The following IGF2BP3 variants were observed in gnomAD, a reference collection of about 807,000 sequenced individuals.
IGF2BP3 encodes the protein insulin like growth factor 2 mRNA binding protein 3.
A neutral mutation model predicts 73.8 loss-of-function variants in IGF2BP3; 9 were observed. The ratio of observed to expected loss-of-function variants is 0.12; its 90% CI spans 0.07 to 0.21. The LOEUF (loss-of-function observed/expected upper bound fraction) is 0.21. IGF2BP3 is among the 10% of genes least tolerant of loss of function. The probability of loss-of-function intolerance (pLI) is 1.00; values close to 1 mark genes in which losing one functional copy is unlikely to be tolerated. For synonymous variants in IGF2BP3, 258 were observed against 256.7 expected (o/e 1.01, Z -0.05); for missense variants, 542 against 714.0 (o/e 0.76, Z 2.75).
At chr7:23,333,147 AG>A (rs1784483893) in intron 10 of IGF2BP3, among the ~76,000 whole-genome samples, 1 of 152,280 alleles carries the variant, frequency 6.6e-6, no homozygotes, top group Non-Finnish European at 1.5e-5. Flanking sequence ...ATAAGAGCAT[AG>A]GGAACTGAAC....
intron 2 of IGF2BP3, among the ~76,000 whole-genome samples, chr7:23,437,500 A>G (rs1400673601): frequency 6.6e-6 from 1 of 151,730 alleles, no homozygotes; most frequent in East Asian, 1.9e-4. Flanking sequence ...AAATAAATAA[A>G]TAAATAAATA....
At chr7:23,320,355 T>A (rs1202106558) in intron 10 of IGF2BP3, among the ~76,000 whole-genome samples, 1 of 152,172 alleles carries the variant, frequency 6.6e-6, no homozygotes, top group African/African-American at 2.4e-5. Flanking sequence ...CTGGGTCTCT[T>A]TTCAAATAGT....
chr7:23,434,716 G>T (rs2128543040), intron 2 of IGF2BP3, among the ~76,000 whole-genome samples: 1 of 152,262 alleles, frequency 6.6e-6, no homozygotes, highest in Admixed American at 6.5e-5. Context: ...CAATGCAAAT[G>T]CAATGCTACG....
chr7:23,426,274 C>T (rs942070485), intron 2 of IGF2BP3, among the ~76,000 whole-genome samples: 1 of 134,896 alleles, frequency 7.4e-6, no homozygotes, highest in Non-Finnish European at 1.5e-5. Flanking sequence ...AAGCTGAGAC[C>T]GTGCCATTGC....
chr7:23,450,036 A>G (rs1788161294), intron 2 of IGF2BP3, among the ~76,000 whole-genome samples: 1 of 152,220 alleles, frequency 6.6e-6, no homozygotes, highest in Non-Finnish European at 1.5e-5. Flanking sequence ...GGTAGAGCAA[A>G]GGCAATGATG....
intron 3 of IGF2BP3, among the ~76,000 whole-genome samples, chr7:23,417,010 T>A (rs542047404): frequency 2.4e-4 from 37 of 152,154 alleles, no homozygotes; most frequent in African/African-American, 8.7e-4. Flanking sequence ...CAGCCAAGAT[T>A]GCACCATTCC....
intron 10 of IGF2BP3, among the ~76,000 whole-genome samples, chr7:23,341,442 G>C (rs1397749586): frequency 6.6e-6 from 1 of 152,206 alleles, no homozygotes; most frequent in Non-Finnish European, 1.5e-5. Flanking sequence ...GAGGCAGGCA[G>C]ACCACTGGAG....
chr7:23,454,277 T>G (rs1031289609), intron 2 of IGF2BP3, among the ~76,000 whole-genome samples: 1 of 152,208 alleles, frequency 6.6e-6, no homozygotes, highest in African/African-American at 2.4e-5. Context: ...CCTAAGATAA[T>G]TCCATAACTA....
At chr7:23,461,262 C>T (rs1788445286) in intron 2 of IGF2BP3, among the ~76,000 whole-genome samples, 1 of 152,134 alleles carries the variant, frequency 6.6e-6, no homozygotes, top group African/African-American at 2.4e-5. Context: ...GCTGGTCTTT[C>T]CTTCATCCTA....
chr7:23,452,955 T>C (rs1788236394), intron 2 of IGF2BP3, among the ~76,000 whole-genome samples: 1 of 151,496 alleles, frequency 6.6e-6, no homozygotes, highest in Non-Finnish European at 1.5e-5. Context: ...CTACTAAAAA[T>C]ACAAAAATTA....
chr7:23,469,290 G>A lies in IGF2BP3; in HGVS notation c.175+646C>T, dbSNP rs1243105632. On this transcript the variant is annotated intron_variant, in intron 1 of 14. Coordinates refer to ENST00000258729, the MANE Select transcript of IGF2BP3 (RefSeq NM_006547.3). This position sits in a 1 kb window ranked among gnomAD's most constrained non-coding sequence, Gnocchi z 6.1. Reference sequence around the variant, plus strand: ...GGAGAGCGGCGGGCGGCCGGTGCGTGGCGGCGACTCCCTTCCAGGCGACCA... The same window carrying A: ...GGAGAGCGGCGGGCGGCCGGTGCGTAGCGGCGACTCCCTTCCAGGCGACCA... The A allele has an allele frequency of 6.6e-6, 1 of 152,212 alleles. No homozygotes were observed. The highest frequency in any genetic ancestry group is 1.5e-5 in the Non-Finnish European group (1 of 68,132). 9.4% of individuals were successfully genotyped at this position (152,212 alleles called of 1,614,324 possible). A position where few individuals can be genotyped will look rare whatever the true frequency, so the allele number is the denominator to read the frequency against.
chr7:23,366,274 A>G (rs919671006), intron 3 of IGF2BP3, among the ~76,000 whole-genome samples: 11 of 152,006 alleles, frequency 7.2e-5, no homozygotes, highest in African/African-American at 2.7e-4. Context: ...AGTAGCTGGG[A>G]TTACAGGCAC....
chr7:23,384,654 G>C (rs1014764316), intron 3 of IGF2BP3, among the ~76,000 whole-genome samples: 3 of 152,092 alleles, frequency 2.0e-5, no homozygotes, highest in Non-Finnish European at 4.4e-5. Flanking sequence ...CTTTGGGGAG[G>C]CAGAGGCAGG....
At chr7:23,399,087 T>A (rs1786573767) in intron 3 of IGF2BP3, among the ~76,000 whole-genome samples, 1 of 152,222 alleles carries the variant, frequency 6.6e-6, no homozygotes, top group Non-Finnish European at 1.5e-5. Flanking sequence ...AATTTTTGTA[T>A]AAGGTGTAAG....
At chr7:23,346,086 A>C (rs1426173205) in intron 7 of IGF2BP3, 24 bp from the exon 8 acceptor site, 1 of 1,594,704 alleles carries the variant, frequency 6.3e-7, no homozygotes, top group Non-Finnish European at 8.5e-7. Context: ...AGTGGCCATA[A>C]AATTAGAATA....
intron 11 of IGF2BP3, 117 bp downstream of exon 11, chr7:23,319,021 C>T (rs1334043277): frequency 4.3e-6 from 3 of 702,180 alleles, no homozygotes; most frequent in Non-Finnish European, 7.3e-6. Context: ...TTCTTCATAT[C>T]CTTATGTAAC....
rs541898446 is a variant in IGF2BP3, at chr7:23,362,137, C to T, written c.286-396G>A. 7.2e-4 allele frequency among the ~76,000 whole-genome samples: 109 copies of T among 152,214 alleles called. 1 individual carries two copies. Among genetic ancestry groups the T allele is most frequent in the African/African-American group, 2.3e-3 (96 of 41,526 alleles). ...AGTTACAAACTAAAGTTTAACAGGGCGCGGTGGCTCGCACCTGTAATCCTA... is the reference window on the plus strand; with the variant it reads ...AGTTACAAACTAAAGTTTAACAGGGTGCGGTGGCTCGCACCTGTAATCCTA... On this transcript the variant is annotated intron_variant, in intron 3 of 14. Transcript: ENST00000258729.
chr7:23,455,063 A>G (rs1788283525), intron 2 of IGF2BP3, among the ~76,000 whole-genome samples: 1 of 152,334 alleles, frequency 6.6e-6, no homozygotes, highest in South Asian at 2.1e-4. Flanking sequence ...TGAAGACGCA[A>G]AAGTTCAGTG....
At chr7:23,429,050 T>A (rs1428121896) in intron 2 of IGF2BP3, among the ~76,000 whole-genome samples, 1 of 152,164 alleles carries the variant, frequency 6.6e-6, no homozygotes, top group African/African-American at 2.4e-5. Flanking sequence ...ATAATCAGCC[T>A]TATCAGCATG....
Sources: allele counts gnomAD v4.1 joint callset (sites outside exome capture counted in the v4.1 genomes callset), GRCh38; gene constraint gnomAD v4.1.1; non-coding constraint Gnocchi (gnomAD v3.1); transcripts MANE v1.5; gene names NCBI Gene and HGNC (gene_info 2026-07-23, HGNC 2026-07-21).